The following USP43 variants were observed in gnomAD, a reference collection of about 807,000 sequenced individuals.
USP43 encodes ubiquitin specific peptidase 43, also known as ubiquitin carboxyl-terminal hydrolase 43.
Under a neutral mutation model 90.7 loss-of-function variants are expected in USP43, and 33 were observed. The ratio of observed to expected loss-of-function variants is 0.36; its 90% confidence interval spans 0.28 to 0.49. The LOEUF (loss-of-function observed/expected upper bound fraction) is 0.49, where lower values mean the gene tolerates loss of function less well. Ranked by LOEUF, USP43 falls within the 20% of genes least tolerant of loss-of-function variation. The probability of loss-of-function intolerance (pLI) is 0.98; values close to 1 mark genes in which losing one functional copy is unlikely to be tolerated. For synonymous variants in USP43, 598 were observed against 615.8 expected (o/e 0.97, Z 0.43); for missense variants, 1,274 against 1,476.4 (o/e 0.86, Z 2.25).
intron 7 of USP43, among the ~76,000 whole-genome samples, chr17:9,683,884 G>A (rs1049600257): frequency 6.6e-6 from 1 of 152,226 alleles, no homozygotes; most frequent in African/African-American, 2.4e-5. Flanking sequence ...AGGAAGCCAT[G>A]AAATAACTTA....
At position 9,650,913 on chromosome 17, in the gene USP43, T is replaced by G. The variant is rs542368017; in HGVS notation, c.504+4777T>G. Among the ~76,000 whole-genome samples, 6 of 152,032 alleles carry G rather than the reference T, an allele frequency of 3.9e-5. No homozygotes were observed. The East Asian group carries it at 1.2e-3, about 29-fold the overall frequency. On this transcript the variant is annotated intron_variant, in intron 1 of 14. Coordinates refer to ENST00000285199, the MANE Select transcript of USP43 (RefSeq NM_153210.5). ...ATGGATAAGTTCTTTAGTGGTGATT[T>G]CAGAGACTTTGGTGCACCCGAGCAA...
intron 6 of USP43, among the ~76,000 whole-genome samples, chr17:9,682,107 C>T (rs1914327985): frequency 6.6e-6 from 1 of 152,188 alleles, no homozygotes; most frequent in South Asian, 2.1e-4. Context: ...TACTTCCTCA[C>T]TGGTAAAGAT....
At chr17:9,705,777 G>A (rs1428662505) in intron 12 of USP43, among the ~76,000 whole-genome samples, 1 of 137,156 alleles carries the variant, frequency 7.3e-6, no homozygotes. Flanking sequence ...AACAACAACA[G>A]CAAAAAAAAA....
At chr17:9,726,909 T>G (rs1368194123) in intron 14 of USP43, among the ~76,000 whole-genome samples, 6 of 152,204 alleles carry the variant, frequency 3.9e-5, no homozygotes, top group African/African-American at 1.4e-4. Flanking sequence ...TCTCAATGAT[T>G]GCAGACATCA....
chr17:9,683,157 C>T (rs942094141), intron 7 of USP43, among the ~76,000 whole-genome samples, 199 bp downstream of exon 7: 1 of 152,194 alleles, frequency 6.6e-6, no homozygotes, highest in African/African-American at 2.4e-5. Flanking sequence ...AACCATCAGA[C>T]ATCAGAGGCC....
chr17:9,698,939 A>G (rs773250143), intron 9 of USP43, among the ~76,000 whole-genome samples: 12 of 152,194 alleles, frequency 7.9e-5, no homozygotes, highest in Non-Finnish European at 1.5e-4. Flanking sequence ...GATCTCCCCA[A>G]TGGCAGGTCT....
At position 9,729,129 on chromosome 17, in the gene USP43, G is replaced by T. The variant is rs545188749; in HGVS notation, c.*139G>T. 8.0e-6 allele frequency: 6 copies of T among 749,202 alleles called. No homozygotes were observed. The highest frequency in any genetic ancestry group is 4.2e-4 in the Middle Eastern group (1 of 2,396). The allele number at this position is 749,202 out of a possible 1,614,324, so 46.4% of individuals were successfully genotyped here. On this transcript the variant is annotated 3_prime_UTR_variant, in exon 15 of 15. Coordinates refer to ENST00000285199, the MANE Select transcript of USP43 (RefSeq NM_153210.5). Reference sequence around the variant, plus strand: ...AAAAAAATTTTTTTTTTTTTGTGGTGGGGGGTCTCCATATCTAGACTTCCA... The same window carrying T: ...AAAAAAATTTTTTTTTTTTTGTGGTTGGGGGTCTCCATATCTAGACTTCCA...
At position 9,686,732 on chromosome 17, in the gene USP43, C is replaced by A; in HGVS notation, c.1242-66C>A. 1.4e-6 allele frequency: 2 copies of A among 1,432,888 alleles called. No individual in the cohort carries two copies. The highest frequency in any genetic ancestry group is 1.9e-6 in the Non-Finnish European group (2 of 1,031,064). 88.8% of individuals were successfully genotyped at this position (1,432,888 alleles called of 1,614,324 possible). On this transcript the variant is annotated intron_variant, in intron 7 of 14. Coordinates refer to ENST00000285199, the MANE Select transcript of USP43 (RefSeq NM_153210.5). The surrounding 1 kb of genome is among the most constrained non-coding windows in gnomAD (Gnocchi z 5.5). Reference sequence around the variant, plus strand: ...CAGGAAGCCAGGGTTAGAACAACCACTCATGACTGGTGGATGTTGCTGGTT... The same window carrying A: ...CAGGAAGCCAGGGTTAGAACAACCAATCATGACTGGTGGATGTTGCTGGTT...
Position 9,645,767 on chromosome 17 carries a change from G to A in USP43, c.135G>A (p.Pro45=). 1.4e-6 allele frequency: 2 copies of A among 1,392,632 alleles called. No homozygotes were observed. Among genetic ancestry groups the A allele is most frequent in the South Asian group, 1.6e-5 (1 of 61,150 alleles). The allele number at this position is 1,392,632 out of a possible 1,614,324, so 86.3% of individuals were successfully genotyped here. The change falls in exon 1 of 15, where the codon CCG becomes CCA. Residue 45 remains proline, a synonymous_variant. Coordinates refer to ENST00000285199, the MANE Select transcript of USP43 (RefSeq NM_153210.5). The surrounding 1 kb of genome is among the most constrained non-coding windows in gnomAD (Gnocchi z 6.8). The stretch of plus-strand genomic sequence containing the variant: ...GCCGCTCACGCCCCGGGGACTCACC[G>A]CCCCGGCCCCAGCCGGGACACTGTG... ...LGSRSRPGDS[P]PRPQPGHCDG... is the part of the protein sequence containing the mutation.
intron 14 of USP43, among the ~76,000 whole-genome samples, chr17:9,713,703 G>C (rs1389414653): frequency 6.6e-6 from 1 of 152,148 alleles, no homozygotes; most frequent in South Asian, 2.1e-4. Flanking sequence ...ACTGAAGCTG[G>C]AGCTGCTAAG....
At chr17:9,721,461 G>A (rs1255482509) in intron 14 of USP43, among the ~76,000 whole-genome samples, 1 of 152,078 alleles carries the variant, frequency 6.6e-6, no homozygotes, top group Non-Finnish European at 1.5e-5. Flanking sequence ...TTCCCTTTAT[G>A]GAGTCAGACG....
At chr17:9,669,440 T>A (rs1352902476) in intron 3 of USP43, among the ~76,000 whole-genome samples, 1 of 152,166 alleles carries the variant, frequency 6.6e-6, no homozygotes, top group African/African-American at 2.4e-5. Flanking sequence ...CTTGGTCCAA[T>A]AGTTACCATG....
Position 9,684,191 on chromosome 17 carries a change from A to G in USP43, c.1241+1233A>G, listed in dbSNP as rs1914461871. ...TAAATTAATAAAGACAACATGGGAG[A>G]ATATTTATGTCCTTGGGTGGGGGCT... On this transcript the variant is annotated intron_variant, in intron 7 of 14. Coordinates refer to ENST00000285199, the MANE Select transcript of USP43 (RefSeq NM_153210.5). Among the ~76,000 whole-genome samples, 4 of 152,060 alleles carry G rather than the reference A, an allele frequency of 2.6e-5. No individual in the cohort carries two copies. The South Asian group carries it at 8.3e-4, about 31-fold the overall frequency.
In USP43 at chr17:9,701,584, C is replaced by G; in HGVS notation, c.1895C>G (p.Pro632Arg). The change falls in exon 12 of 15, where the codon CCC (proline) becomes CGC (arginine). Residue 632 changes from proline (P) to arginine (R), a missense_variant. Physicochemically the swap from Pro to Arg is moderately radical, Grantham distance 103 (BLOSUM62 -2). This residue lies in a region of USP43 where 285 missense variants were observed against 349.6 expected (regional missense o/e 0.82). Transcript: ENST00000285199. The surrounding 1 kb of genome is among the most constrained non-coding windows in gnomAD (Gnocchi z 7.2). ...RSTSPEAGLG[P>R]WPSWKQPDCL... ...ACCAGCCCTGAGGCAGGACTGGGCCCCTGGCCTTCCTGGAAGCAGCCGGAC... is the reference window on the plus strand; with the variant it reads ...ACCAGCCCTGAGGCAGGACTGGGCCGCTGGCCTTCCTGGAAGCAGCCGGAC... 1 of 1,572,972 alleles carries G rather than the reference C, an allele frequency of 6.4e-7. No individual in the cohort carries two copies. Among genetic ancestry groups the G allele is most frequent in the East Asian group, 2.4e-5 (1 of 42,478 alleles).
At position 9,681,162 on chromosome 17, in the gene USP43, TA is replaced by T. The variant is rs1279109125; in HGVS notation, c.1105+797del. Among the ~76,000 whole-genome samples the T allele has an allele frequency of 2.1e-4, 21 of 102,110 alleles. 2 individuals carry two copies. Among genetic ancestry groups the T allele is most frequent in the East Asian group, 7.3e-4 (2 of 2,748 alleles). 67.0% of individuals were successfully genotyped at this position (102,110 alleles called of 152,430 possible). A position where few individuals can be genotyped will look rare whatever the true frequency, so the allele number is the denominator to read the frequency against. ...AATATATACTATATAATATATACTA[TA>T]TAATATATACTATATAATATACTAT... On this transcript the variant is annotated intron_variant, in intron 6 of 14. Transcript: ENST00000285199.
rs1275292738 is a variant in USP43 at position 9,666,223 on chromosome 17, T to A, written c.637-425T>A. On this transcript the variant is annotated intron_variant, in intron 2 of 14. Transcript: ENST00000285199. ...ACTCCTGAGAAAATGTGGGCAGGAA[T>A]GATTTAGCAGGCAGGTGGAAGGTGG... is the stretch of plus-strand genomic sequence containing the variant. 3.3e-5 allele frequency among the ~76,000 whole-genome samples: 5 copies of A among 152,068 alleles called. No homozygotes were observed. In the East Asian group the frequency reaches 7.7e-4, roughly 23 times the overall value.
At chr17:9,675,666 C>T (rs917927080) in intron 4 of USP43, among the ~76,000 whole-genome samples, 2 of 152,096 alleles carry the variant, frequency 1.3e-5, no homozygotes, top group African/African-American at 4.8e-5. Flanking sequence ...ATTGACATCC[C>T]CTGCCTTTAG....
At chr17:9,718,696 C>T (rs1384217887) in intron 14 of USP43, among the ~76,000 whole-genome samples, 3 of 149,460 alleles carry the variant, frequency 2.0e-5, no homozygotes, top group East Asian at 2.1e-4. Context: ...CAAAATTAGC[C>T]GGGCATGGTG....
intron 14 of USP43, among the ~76,000 whole-genome samples, chr17:9,723,204 A>G (rs761286302): frequency 6.6e-6 from 1 of 151,806 alleles, no homozygotes; most frequent in Non-Finnish European, 1.5e-5. Flanking sequence ...TTTTTTGTTT[A>G]CAGGAGAGTC....
Sources: allele counts gnomAD v4.1 joint callset (sites outside exome capture counted in the v4.1 genomes callset), GRCh38; gene constraint gnomAD v4.1.1; regional missense constraint gnomAD v4.1.1; non-coding constraint Gnocchi (gnomAD v3.1); transcripts MANE v1.5; gene names NCBI Gene and HGNC (gene_info 2026-07-23, HGNC 2026-07-21).